CHD8: variants seen among roughly 807,000 people sequenced by gnomAD.
The protein encoded by CHD8 is chromodomain helicase DNA binding protein 8, also known as ATP-dependent chromatin remodeler CHD8.
In CHD8, 31 loss-of-function variants were observed where a neutral mutation model predicts 279.2. The ratio of observed to expected loss-of-function variants is 0.11; its 90% CI spans 0.08 to 0.15. CHD8 has a LOEUF of 0.15. CHD8 is among the 10% of genes least tolerant of loss of function. CHD8 has a pLI of 1.00. For synonymous variants in CHD8, 1,081 were observed against 1,139.6 expected (o/e 0.95, Z 1.04); for missense variants, 2,146 against 3,230.5 (o/e 0.66, Z 8.14).
At chr14:21,424,769 C>T (rs1282282320) in intron 5 of CHD8, among the ~76,000 whole-genome samples, 2 of 152,168 alleles carry the variant, frequency 1.3e-5, no homozygotes, top group South Asian at 2.1e-4. Context: ...CCGCGCCTGG[C>T]CCAGCTATTC....
chr14:21,447,357 G>A (rs4246991), intron 1 of CHD8, among the ~76,000 whole-genome samples: 122,529 of 151,800 alleles, frequency 0.81, 50,922 homozygotes, highest in South Asian at 0.91. Flanking sequence ...AGAAGTGAAC[G>A]GATGACACTA....
chr14:21,403,347 A>C lies in CHD8; in HGVS notation c.3518+106T>G. On this transcript the variant is annotated intron_variant, in intron 17 of 37. Coordinates refer to ENST00000646647, the MANE Select transcript of CHD8 (RefSeq NM_001170629.2). The surrounding 1 kb of genome is among the most constrained non-coding windows in gnomAD (Gnocchi z 4.3). ...CAAGTTGAGAGTGAGAATCTTAAAA[A>C]CTTCTCTTATTGCAATTGGTGAACT... 1.6e-6 allele frequency: 2 copies of C among 1,266,756 alleles called. No individual in the cohort carries two copies. The highest frequency in any genetic ancestry group is 2.8e-5 in the South Asian group (2 of 72,020). 78.5% of individuals were successfully genotyped at this position (1,266,756 alleles called of 1,614,324 possible).
intron 9 of CHD8, among the ~76,000 whole-genome samples, chr14:21,413,388 C>T (rs1022800043): frequency 2.0e-5 from 3 of 151,704 alleles, no homozygotes; most frequent in Non-Finnish European, 4.4e-5. Flanking sequence ...CTGCTTTATA[C>T]CTAAACCTTT....
intron 10 of CHD8, among the ~76,000 whole-genome samples, chr14:21,412,140 C>T (rs1324726043): frequency 6.8e-6 from 1 of 146,912 alleles, no homozygotes; most frequent in Non-Finnish European, 1.5e-5. Flanking sequence ...TGTAGATCTG[C>T]TTTTTTGTTT....
chr14:21,398,986 A>G, intron 26 of CHD8: 1 of 420,782 alleles, frequency 2.4e-6, no homozygotes, highest in Non-Finnish European at 4.8e-6. Context: ...CAGCCGAGTG[A>G]CACCAGTGAA....
At chr14:21,424,165 A>G (rs1381300842) in intron 5 of CHD8, among the ~76,000 whole-genome samples, 1 of 152,210 alleles carries the variant, frequency 6.6e-6, no homozygotes. Context: ...CATCTTTTAT[A>G]TTTACACCTT....
In CHD8 at chr14:21,415,505, A is replaced by G. The variant is rs918279286; in HGVS notation, c.1968+69T>C. On this transcript the variant is annotated intron_variant, in intron 7 of 37. Coordinates refer to ENST00000646647, the MANE Select transcript of CHD8 (RefSeq NM_001170629.2). The stretch of plus-strand genomic sequence containing the variant: ...GGGTAACACAGTTAGACTCTATTTC[A>G]AAAATAAATAAATAAATAAATAAAT... 9.4e-6 allele frequency: 9 copies of G among 958,908 alleles called. No individual in the cohort carries two copies. The African/African-American group carries it at 1.3e-4, about 13-fold the overall frequency. 59.4% of individuals were successfully genotyped at this position (958,908 alleles called of 1,614,324 possible). A position where few individuals can be genotyped will look rare whatever the true frequency, so the allele number is the denominator to read the frequency against.
chr14:21,401,279 C>T (rs1888023529), intron 21 of CHD8, 124 bp downstream of exon 21: 1 of 753,826 alleles, frequency 1.3e-6, no homozygotes, highest in Non-Finnish European at 2.1e-6. Flanking sequence ...GTATCCACAA[C>T]AGCCCTTGTA....
At position 21,408,941 on chromosome 14, in the gene CHD8, T is replaced by C. The variant is rs558663450; in HGVS notation, c.2365-116A>G. On this transcript the variant is annotated intron_variant, in intron 11 of 37. Coordinates refer to ENST00000646647, the MANE Select transcript of CHD8 (RefSeq NM_001170629.2). This position sits in a 1 kb window ranked among gnomAD's most constrained non-coding sequence, Gnocchi z 4.3. ...AAACAACATTGTTTGGATTAAAACA[T>C]GTCAAATATATTTAAATTTATGAGT... 1.1e-4 allele frequency: 113 copies of C among 1,061,270 alleles called. No individual in the cohort carries two copies. The African/African-American group carries it at 1.4e-3, about 13-fold the overall frequency. 65.7% of individuals were successfully genotyped at this position (1,061,270 alleles called of 1,614,324 possible).
chr14:21,432,918 T>C (rs930885077), intron 1 of CHD8, among the ~76,000 whole-genome samples: 3 of 152,072 alleles, frequency 2.0e-5, no homozygotes, highest in Non-Finnish European at 2.9e-5. Context: ...TTTGCGCAAA[T>C]TGTAAAAAGT....
chr14:21,400,753 C>A lies in CHD8; in HGVS notation c.4370+122G>T. On this transcript the variant is annotated intron_variant, in intron 22 of 37. Transcript: ENST00000646647. The surrounding 1 kb of genome is among the most constrained non-coding windows in gnomAD (Gnocchi z 4.2). ...TAAACAGAACAAACTCCCTCCAAGG[C>A]AAATATTTTTTCACATTATCCCTTC... 2 of 1,300,800 alleles carry A rather than the reference C, an allele frequency of 1.5e-6. No homozygotes were observed. The highest frequency in any genetic ancestry group is 2.1e-6 in the Non-Finnish European group (2 of 954,570). The allele number at this position is 1,300,800 out of a possible 1,614,324, so 80.6% of individuals were successfully genotyped here. A position where few individuals can be genotyped will look rare whatever the true frequency, so the allele number is the denominator to read the frequency against.
At chr14:21,409,828 T>C in intron 11 of CHD8, 23 bp downstream of exon 11, 1 of 1,605,030 alleles carries the variant, frequency 6.2e-7, no homozygotes, top group South Asian at 1.1e-5. Context: ...TAGGCCTTTA[T>C]ACTTTAATGC....
At chr14:21,399,580 T>C (rs1360664388) in intron 26 of CHD8, 22 bp downstream of exon 26, 1 of 1,525,254 alleles carries the variant, frequency 6.6e-7, no homozygotes, top group Admixed American at 1.7e-5. Context: ...CGGAAAGGAG[T>C]AGAATAGGAG....
At position 21,409,910 on chromosome 14, in the gene CHD8, C is replaced by T; in HGVS notation, c.2305G>A (p.Glu769Lys). 6.2e-7 allele frequency: 1 copy of T among 1,613,808 alleles called. No individual in the cohort carries two copies. Among genetic ancestry groups the T allele is most frequent in the Non-Finnish European group, 8.5e-7 (1 of 1,179,778 alleles). Reference protein sequence around the residue: ...STWELKEDVDEGKIREFKRIQ... With the variant: ...STWELKEDVDKGKIREFKRIQ... ...CGTTTAAATTCTCGAATCTTGCCCT[C>T]ATCAACATCTTCTTTTAGCTCCCAT... The change falls in exon 11 of 38, where the codon GAG becomes AAG. Residue 769 changes from glutamate (E) to lysine (K), a missense_variant. Around this residue, in one of 26 missense-constraint regions of CHD8, gnomAD observed 211 missense variants for 464.7 expected, o/e 0.45. Coordinates refer to ENST00000646647, the MANE Select transcript of CHD8 (RefSeq NM_001170629.2).
intron 2 of CHD8, 38 bp from the exon 3 acceptor site, chr14:21,429,373 A>G (rs375537908): frequency 2.0e-5 from 32 of 1,591,304 alleles, no homozygotes; most frequent in Non-Finnish European, 2.7e-5. Flanking sequence ...GTACAACATT[A>G]AAGAATGGTA....
chr14:21,443,873 A>AAC (rs1566455056), intron 1 of CHD8, among the ~76,000 whole-genome samples: 1 of 151,808 alleles, frequency 6.6e-6, no homozygotes. Context: ...AAAAAAAAAA[A>AAC]AAAAAACAAC....
chr14:21,441,305 A>C (rs1376178960), intron 1 of CHD8, among the ~76,000 whole-genome samples: 12 of 152,104 alleles, frequency 7.9e-5, no homozygotes, highest in Non-Finnish European at 1.3e-4. Flanking sequence ...TATTCCCATT[A>C]CTTTTTTGAG....
Position 21,415,201 on chromosome 14 carries a change from AAG to A in CHD8, c.1969-210_1969-209del, listed in dbSNP as rs1888661156. Reference sequence around the variant, plus strand: ...TTATCCACTCTAAACAGGTAAGTAAAAGAAGCACCAGTAAAGCAGTTCCTGTT... The same window carrying A: ...TTATCCACTCTAAACAGGTAAGTAAAAAGCACCAGTAAAGCAGTTCCTGTT... On this transcript the variant is annotated intron_variant, in intron 7 of 37. Transcript: ENST00000646647. 5.8e-6 allele frequency: 3 copies of A among 517,096 alleles called. No individual in the cohort carries two copies. The South Asian group carries it at 8.2e-5, about 14-fold the overall frequency. The allele number at this position is 517,096 out of a possible 1,614,324, so 32.0% of individuals were successfully genotyped here. A position where few individuals can be genotyped will look rare whatever the true frequency, so the allele number is the denominator to read the frequency against.
intron 2 of CHD8, chr14:21,430,322 TAA>T (rs965130364): frequency 6.3e-6 from 1 of 158,044 alleles, no homozygotes; most frequent in Admixed American, 6.0e-5. Flanking sequence ...CGCTAGAAAC[TAA>T]CACTTTCACT....
Sources: allele counts gnomAD v4.1 joint callset (sites outside exome capture counted in the v4.1 genomes callset), GRCh38; gene constraint gnomAD v4.1.1; regional missense constraint gnomAD v4.1.1; non-coding constraint Gnocchi (gnomAD v3.1); transcripts MANE v1.5; gene names NCBI Gene and HGNC (gene_info 2026-07-23, HGNC 2026-07-21).